The following LHPP variants were observed in gnomAD, a reference collection of about 807,000 sequenced individuals.
LHPP encodes the protein phospholysine phosphohistidine inorganic pyrophosphate phosphatase.
A neutral mutation model predicts 30.3 loss-of-function variants in LHPP; 24 were observed. The ratio of observed to expected loss-of-function variants is 0.79; its 90% CI spans 0.57 to 1.11. The LOEUF is 1.11. Ranked by LOEUF, LHPP falls within the 50% of genes most tolerant of loss-of-function variation. The pLI, the probability that LHPP is intolerant of heterozygous loss-of-function variation, is 0.00. For synonymous variants in LHPP, 150 were observed against 157.1 expected (o/e 0.95, Z 0.34); for missense variants, 356 against 367.2 (o/e 0.97, Z 0.25).
At position 124,589,602 on chromosome 10, in the gene LHPP, G is replaced by A. The variant is rs1948850812; in HGVS notation, c.717-23662G>A. On this transcript the variant is annotated intron_variant, in intron 6 of 6. Transcript: ENST00000368842. ...AGCAGGGGTCAGGCTCAGTGCACAG[G>A]TCCCAGTGTGCAGAGCTCACCCGGC... Among the ~76,000 whole-genome samples, 4 of 152,194 alleles carry A rather than the reference G, an allele frequency of 2.6e-5. No homozygotes were observed. The South Asian group carries it at 8.3e-4, about 32-fold the overall frequency.
chr10:124,510,673 G>C lies in LHPP; in HGVS notation c.625-6507G>C, dbSNP rs988816044. On this transcript the variant is annotated intron_variant, in intron 5 of 6. Transcript: ENST00000368842. This position sits in a 1 kb window ranked among gnomAD's most constrained non-coding sequence, Gnocchi z 4.0. ...GCATGCACACAGTTTCATTTTCCCC[G>C]GAAGCATGGAGGTGTAGGATGACAT... is the stretch of plus-strand genomic sequence containing the variant. Among the ~76,000 whole-genome samples, 3 of 152,206 alleles carry C rather than the reference G, an allele frequency of 2.0e-5. No individual in the cohort carries two copies. Among genetic ancestry groups the C allele is most frequent in the African/African-American group, 4.8e-5 (2 of 41,448 alleles).
chr10:124,528,423 A>G (rs994029270), intron 6 of LHPP, among the ~76,000 whole-genome samples: 7 of 151,884 alleles, frequency 4.6e-5, no homozygotes, highest in Middle Eastern at 3.4e-3. Context: ...CAATGGTGCG[A>G]TCTTGGCTCA....
At chr10:124,609,575 T>C (rs1210182240) in intron 6 of LHPP, among the ~76,000 whole-genome samples, 2 of 152,076 alleles carry the variant, frequency 1.3e-5, no homozygotes, top group Admixed American at 6.6e-5. Context: ...ATTTTTGAGG[T>C]ATAACATTAG....
At chr10:124,488,235 G>A (rs11245168) in intron 2 of LHPP, among the ~76,000 whole-genome samples, 187 bp from the exon 3 acceptor site, 3,403 of 152,190 alleles carry the variant, frequency 0.022, 108 homozygotes, top group East Asian at 0.12. Context: ...CTGAGGAGCC[G>A]AATTCCCTCC....
intron 5 of LHPP, among the ~76,000 whole-genome samples, chr10:124,506,425 T>A (rs1462681975): frequency 6.6e-6 from 1 of 151,812 alleles, no homozygotes; most frequent in African/African-American, 2.4e-5. Context: ...GAAACCAAAA[T>A]TGTCTGTAGA....
chr10:124,583,137 T>G (rs1427305261), intron 6 of LHPP, among the ~76,000 whole-genome samples: 1 of 152,228 alleles, frequency 6.6e-6, no homozygotes, highest in Non-Finnish European at 1.5e-5. Flanking sequence ...TAAAAGTTTT[T>G]AAAGTTTTGA....
chr10:124,605,831 G>A lies in LHPP; in HGVS notation c.717-7433G>A, dbSNP rs1299470964. Among the ~76,000 whole-genome samples, 23 of 69,120 alleles carry A rather than the reference G, an allele frequency of 3.3e-4. No homozygotes were observed. The South Asian group carries it at 9.0e-3, about 27-fold the overall frequency. The allele number at this position is 69,120 out of a possible 152,430, so 45.3% of individuals were successfully genotyped here. A position where few individuals can be genotyped will look rare whatever the true frequency, so the allele number is the denominator to read the frequency against. On this transcript the variant is annotated intron_variant, in intron 6 of 6. Coordinates refer to ENST00000368842, the MANE Select transcript of LHPP (RefSeq NM_022126.4). ...AAGAGGAGAGGGGGCCAGGCAGGAG[G>A]GAGAGCCAGTGGAGGGGGAGGGGGA... is the stretch of plus-strand genomic sequence containing the variant.
chr10:124,542,745 C>T (rs1955229270), intron 6 of LHPP, among the ~76,000 whole-genome samples: 1 of 152,206 alleles, frequency 6.6e-6, no homozygotes, highest in Non-Finnish European at 1.5e-5. Flanking sequence ...CTCACCCCGC[C>T]CTGCTGCCTC....
At position 124,575,506 on chromosome 10, in the gene LHPP, C is replaced by A. The variant is rs151295866; in HGVS notation, c.717-37758C>A. ...CCCCTGCTTTGTTCTTCCTAGGATG[C>A]GTCAGCCCCTGATTTTCCATGACAG... On this transcript the variant is annotated intron_variant, in intron 6 of 6. Transcript: ENST00000368842. 1.2e-3 allele frequency among the ~76,000 whole-genome samples: 190 copies of A among 152,236 alleles called. 1 individual carries two copies. The highest frequency in any genetic ancestry group is 4.2e-3 in the African/African-American group (173 of 41,544).
intron 4 of LHPP, among the ~76,000 whole-genome samples, chr10:124,497,229 C>CCCTTCCCAT (rs1238888539): frequency 2.7e-5 from 4 of 147,406 alleles, no homozygotes; most frequent in Admixed American, 2.7e-4. Flanking sequence ...CCCCATCTCT[C>CCCTTCCCAT]CCTTCCCATC....
At chr10:124,468,857 T>C (rs2133813675) in intron 1 of LHPP, among the ~76,000 whole-genome samples, 1 of 152,254 alleles carries the variant, frequency 6.6e-6, no homozygotes, top group Non-Finnish European at 1.5e-5. Context: ...CGCATGCCTG[T>C]GGGGCTCGTG....
intron 6 of LHPP, among the ~76,000 whole-genome samples, chr10:124,533,756 T>C (rs1954952537): frequency 6.6e-6 from 1 of 152,158 alleles, no homozygotes; most frequent in African/African-American, 2.4e-5. Flanking sequence ...TGCTCCGCAG[T>C]GTGCAGGGTG....
chr10:124,542,669 C>T (rs1049002350), intron 6 of LHPP, among the ~76,000 whole-genome samples: 1 of 152,306 alleles, frequency 6.6e-6, no homozygotes, highest in East Asian at 1.9e-4. Flanking sequence ...CCTGTGCACC[C>T]TGGGGCCCAG....
intron 6 of LHPP, among the ~76,000 whole-genome samples, chr10:124,572,846 A>T (rs543091813): frequency 2.6e-4 from 39 of 152,286 alleles, no homozygotes; most frequent in Non-Finnish European, 4.4e-4. Flanking sequence ...TGCTGCTCCC[A>T]TCCAGCTCAG....
chr10:124,580,203 C>G (rs774305692), intron 6 of LHPP, among the ~76,000 whole-genome samples: 1 of 152,240 alleles, frequency 6.6e-6, no homozygotes, highest in African/African-American at 2.4e-5. Context: ...TGCTCCCAGT[C>G]TGTGGTTTGT....
intron 6 of LHPP, among the ~76,000 whole-genome samples, chr10:124,581,771 A>G (rs1424115620): frequency 3.6e-5 from 2 of 56,120 alleles, no homozygotes; most frequent in Admixed American, 1.6e-4. Context: ...ATGTATATAC[A>G]CACACACACA....
In LHPP at chr10:124,496,869, G is replaced by A. The variant is rs543121172; in HGVS notation, c.468-92G>A. 2.1e-5 allele frequency: 24 copies of A among 1,169,114 alleles called. No homozygotes were observed. The highest frequency in any genetic ancestry group is 1.4e-4 in the Admixed American group (7 of 49,098). The allele number at this position is 1,169,114 out of a possible 1,614,324, so 72.4% of individuals were successfully genotyped here. ...GCCGCGGCTTGGCTCTGCAGCCAGC[G>A]GGACAGGCCCGGTGCTCAGCTCCCG... is the stretch of plus-strand genomic sequence containing the variant. On this transcript the variant is annotated intron_variant, in intron 3 of 6. Coordinates refer to ENST00000368842, the MANE Select transcript of LHPP (RefSeq NM_022126.4). This position sits in a 1 kb window ranked among gnomAD's most constrained non-coding sequence, Gnocchi z 4.3.
chr10:124,500,861 T>C (rs926851548), intron 5 of LHPP, among the ~76,000 whole-genome samples: 1 of 151,934 alleles, frequency 6.6e-6, no homozygotes, highest in Non-Finnish European at 1.5e-5. Flanking sequence ...AAGTTAAACA[T>C]AGAATTTGCC....
chr10:124,548,422 G>A (rs1468852599), intron 6 of LHPP, among the ~76,000 whole-genome samples: 1 of 152,156 alleles, frequency 6.6e-6, no homozygotes. Context: ...CTCCTTCCAA[G>A]TTCCCAATTT....
Sources: gnomAD v4.1 joint callset for allele counts (sites outside exome capture counted in the v4.1 genomes callset) on GRCh38, gnomAD v4.1.1 for gene constraint, Gnocchi (gnomAD v3.1) non-coding constraint, MANE v1.5 for transcripts, NCBI Gene and HGNC (gene_info 2026-07-23, HGNC 2026-07-21) for gene names.